Variants in SSC5D observed in about 807,000 individuals in gnomAD.
SSC5D encodes soluble scavenger receptor cysteine-rich domain-containing protein SSC5D.
SSC5D carries 106 observed loss-of-function variants against 104.6 expected under a neutral mutation model. That is an observed-to-expected ratio of 1.01 (90% CI 0.87 to 1.19). The LOEUF is 1.19. Ranked by LOEUF, SSC5D falls within the 50% of genes most tolerant of loss-of-function variation. The pLI, the probability that SSC5D is intolerant of heterozygous loss-of-function variation, is 0.00. For missense variants in SSC5D, 1,993 were observed against 2,153.8 expected (o/e 0.93, Z 1.48); for synonymous variants, 860 against 883.5 (o/e 0.97, Z 0.47).
intron 6 of SSC5D, among the ~76,000 whole-genome samples, chr19:55,493,116 G>A (rs1987197360): frequency 6.6e-6 from 1 of 152,194 alleles, no homozygotes; most frequent in South Asian, 2.1e-4. Context: ...CAGCTGGCAA[G>A]GGAGTGAGGG....
At chr19:55,513,250 T>C in intron 13 of SSC5D, 78 bp downstream of exon 13, 1 of 1,355,228 alleles carries the variant, frequency 7.4e-7, no homozygotes, top group Non-Finnish European at 9.8e-7. Flanking sequence ...GACTCCCCAC[T>C]GGAACCCTTA....
chr19:55,489,504 C>A lies in SSC5D; in HGVS notation c.203C>A (p.Ala68Asp). Residue 68 changes from alanine (A) to aspartate (D), a missense_variant, in exon 3 of 14, where the codon GCC becomes GAC. Ala to Asp is a moderately radical substitution (Grantham distance 126). Around this residue, in one of 6 missense-constraint regions of SSC5D, gnomAD observed 1,101 missense variants for 1,085.0 expected, o/e 1.01. Transcript: ENST00000389623. ...CAGCTGGGCTGCGGAGGGGCACTGG[C>A]CGCCCCGGGAGGCGCCTTCTTCGGG... ...CRQLGCGGAL[A>D]APGGAFFGEG... The A allele has an allele frequency of 6.8e-7, 1 of 1,468,740 alleles. No homozygotes were observed. Among genetic ancestry groups the A allele is most frequent in the South Asian group, 1.4e-5 (1 of 72,714 alleles). 91.0% of individuals were successfully genotyped at this position (1,468,740 alleles called of 1,614,324 possible).
rs1211247705 is a variant in SSC5D at position 55,493,742 on chromosome 19, GAGGGGCGCTGGCCGCCCCC to G, written c.1044_1062del (p.Leu351ProfsTer79). 7.2e-6 allele frequency: 11 copies of G among 1,525,640 alleles called. No homozygotes were observed. In the East Asian group the frequency reaches 2.5e-4, roughly 35 times the overall value. 94.5% of individuals were successfully genotyped at this position (1,525,640 alleles called of 1,614,324 possible). On this transcript the variant is annotated frameshift_variant, in exon 7 of 14. Transcript: ENST00000389623. LOFTEE classifies it high-confidence loss of function. ...GTGGCCTGCCGAGAGCTGGGCTGCGGAGGGGCGCTGGCCGCCCCCGGGGGCGCCTTCTTTGGGGAGGGGT... is the reference window on the plus strand; with the variant it reads ...GTGGCCTGCCGAGAGCTGGGCTGCGGGGGGGCGCCTTCTTTGGGGAGGGGT...
chr19:55,501,100 A>C lies in SSC5D; in HGVS notation c.2684A>C (p.Lys895Thr). The change falls in exon 12 of 14, where the codon AAG becomes ACG. Residue 895 changes from lysine (K) to threonine (T), a missense_variant. This residue lies in a region of SSC5D where 423 missense variants were observed against 409.2 expected (regional missense o/e 1.03). Transcript: ENST00000389623. ...WDPTSREDLA[K>T]GTTTAGVPGH... ...CCCACCTCAAGAGAGGACCTGGCCA[A>C]GGGGACTACCACAGCGGGGGTACCT... 1 of 1,551,762 alleles carries C rather than the reference A, an allele frequency of 6.4e-7. No homozygotes were observed. The highest frequency in any genetic ancestry group is 8.7e-7 in the Non-Finnish European group (1 of 1,146,980).
chr19:55,514,778 A>G (rs1987834348), intron 13 of SSC5D, among the ~76,000 whole-genome samples: 1 of 152,168 alleles, frequency 6.6e-6, no homozygotes, highest in African/African-American at 2.4e-5. Context: ...ATTCCATGCT[A>G]GACATTACAC....
intron 6 of SSC5D, among the ~76,000 whole-genome samples, chr19:55,493,176 G>C (rs757289960): frequency 4.6e-5 from 7 of 152,232 alleles, no homozygotes; most frequent in Non-Finnish European, 8.8e-5. Flanking sequence ...GTCTGGAGAC[G>C]TTTTTGGTTG....
intron 8 of SSC5D, among the ~76,000 whole-genome samples, chr19:55,496,490 A>G (rs554329081): frequency 1.6e-4 from 24 of 152,318 alleles, no homozygotes; most frequent in African/African-American, 4.8e-4. Flanking sequence ...CTGAATAATA[A>G]TATCAGCTAA....
In SSC5D at chr19:55,489,765, G is replaced by C. The variant is rs550618977; in HGVS notation, c.361+103G>C. 285 of 1,492,584 alleles carry C rather than the reference G, an allele frequency of 1.9e-4. 6 individuals are homozygous for C. In the South Asian group the frequency reaches 3.4e-3, roughly 18 times the overall value. 92.5% of individuals were successfully genotyped at this position (1,492,584 alleles called of 1,614,324 possible). A position where few individuals can be genotyped will look rare whatever the true frequency, so the allele number is the denominator to read the frequency against. ...AAGTCTGAGTGTTCAGCAGTTCAGAGACACCCAACCTCCCATCCCCTCCAA... is the reference window on the plus strand; with the variant it reads ...AAGTCTGAGTGTTCAGCAGTTCAGACACACCCAACCTCCCATCCCCTCCAA... On this transcript the variant is annotated intron_variant, in intron 3 of 13. Coordinates refer to ENST00000389623, the MANE Select transcript of SSC5D (RefSeq NM_001144950.2).
chr19:55,496,748 G>T lies in SSC5D; in HGVS notation c.1388-1132G>T, dbSNP rs541960317. On this transcript the variant is annotated intron_variant, in intron 8 of 13. Coordinates refer to ENST00000389623, the MANE Select transcript of SSC5D (RefSeq NM_001144950.2). Reference sequence around the variant, plus strand: ...GACATAAAGTTTACCATTTTTACCAGTCTTTTTTTTTTTTTTTTTTTAAAC... The same window carrying T: ...GACATAAAGTTTACCATTTTTACCATTCTTTTTTTTTTTTTTTTTTTAAAC... 3.3e-4 allele frequency among the ~76,000 whole-genome samples: 47 copies of T among 141,854 alleles called. 1 individual carries two copies. The highest frequency in any genetic ancestry group is 1.1e-3 in the African/African-American group (42 of 38,480). 93.1% of individuals were successfully genotyped at this position (141,854 alleles called of 152,430 possible). A position where few individuals can be genotyped will look rare whatever the true frequency, so the allele number is the denominator to read the frequency against.
intron 1 of SSC5D, 143 bp downstream of exon 1, chr19:55,488,757 GCTCAATC>G (rs993115680): frequency 1.9e-5 from 15 of 785,492 alleles, no homozygotes; most frequent in Non-Finnish European, 2.9e-5. Flanking sequence ...GAGGATCCCT[GCTCAATC>G]TGCCCAGCCT....
Position 55,489,467 on chromosome 19 carries a change from G to A in SSC5D, c.166G>A (p.Val56Met), listed in dbSNP as rs1403323661. The change falls in exon 3 of 14, where the codon GTG becomes ATG. Residue 56 changes from valine (V) to methionine (M), a missense_variant. By Grantham distance (21) the Val-to-Met change is conservative (BLOSUM62 1). This residue lies in a region of SSC5D where 1,101 missense variants were observed against 1,085.0 expected (regional missense o/e 1.01). Coordinates refer to ENST00000389623, the MANE Select transcript of SSC5D (RefSeq NM_001144950.2). ...CGGCTGGGACCTGCGCGATGCCGCC[G>A]TGGCCTGCCGGCAGCTGGGCTGCGG... ...DDGWDLRDAA[V>M]ACRQLGCGGA... 29 of 1,473,928 alleles carry A rather than the reference G, an allele frequency of 2.0e-5. No homozygotes were observed. The highest frequency in any genetic ancestry group is 1.1e-4 in the South Asian group (8 of 72,986). 91.3% of individuals were successfully genotyped at this position (1,473,928 alleles called of 1,614,324 possible).
intron 8 of SSC5D, among the ~76,000 whole-genome samples, chr19:55,495,231 A>ATTT (rs1987285828): frequency 3.9e-5 from 1 of 25,968 alleles, no homozygotes; most frequent in Non-Finnish European, 7.2e-5. Flanking sequence ...ATATATATAT[A>ATTT]TATTTTTTTT....
chr19:55,496,324 G>A (rs1987323761), intron 8 of SSC5D, among the ~76,000 whole-genome samples: 1 of 152,184 alleles, frequency 6.6e-6, no homozygotes, highest in Non-Finnish European at 1.5e-5. Flanking sequence ...AGTCCCTCAG[G>A]ATCAGGAATG....
chr19:55,496,479 C>G (rs1987329017), intron 8 of SSC5D, among the ~76,000 whole-genome samples: 1 of 152,196 alleles, frequency 6.6e-6, no homozygotes, highest in South Asian at 2.1e-4. Context: ...TTCCCCTTTT[C>G]CTGAATAATA....
At chr19:55,512,069 T>A (rs1183004069) in intron 12 of SSC5D, among the ~76,000 whole-genome samples, 1 of 151,838 alleles carries the variant, frequency 6.6e-6, no homozygotes, top group African/African-American at 2.4e-5. Flanking sequence ...CCGGGCACGG[T>A]GGCTCACACC....
chr19:55,498,261 A>C, intron 9 of SSC5D, 64 bp downstream of exon 9: 2 of 1,492,718 alleles, frequency 1.3e-6, no homozygotes, highest in Non-Finnish European at 1.8e-6. Flanking sequence ...AGTAACTAAC[A>C]TGGGCACTAA....
Position 55,500,371 on chromosome 19 carries a change from A to T in SSC5D, c.2261A>T (p.Asp754Val). The T allele has an allele frequency of 6.4e-7, 1 of 1,551,082 alleles. No homozygotes were observed. Among genetic ancestry groups the T allele is most frequent in the Non-Finnish European group, 8.7e-7 (1 of 1,146,880 alleles). Reference protein sequence around the residue: ...IPEGSPESPKDPAPSPSVSTT... With the variant: ...IPEGSPESPKVPAPSPSVSTT... ...GAAGGGTCTCCAGAGTCACCCAAAG[A>T]CCCGGCCCCCTCTCCCAGTGTTAGC... Residue 754 changes from aspartate to valine, a missense_variant, in exon 10 of 14, where the codon GAC becomes GTC. Physicochemically the swap from Asp to Val is radical, Grantham distance 152. Transcript: ENST00000389623. The surrounding 1 kb of genome is among the most constrained non-coding windows in gnomAD (Gnocchi z 4.6).
intron 12 of SSC5D, chr19:55,504,067 G>C (rs1010163423): frequency 1.3e-6 from 2 of 1,516,964 alleles, no homozygotes; most frequent in South Asian, 1.2e-5. Flanking sequence ...CCGTGACTTG[G>C]GGGTGGGTGG....
Position 55,517,285 on chromosome 19 carries a change from G to A in SSC5D, c.3009G>A (p.Ala1003=). 13 of 1,547,558 alleles carry A rather than the reference G, an allele frequency of 8.4e-6. No individual in the cohort carries two copies. Among genetic ancestry groups the A allele is most frequent in the Non-Finnish European group, 1.0e-5 (12 of 1,146,714 alleles). The stretch of plus-strand genomic sequence containing the variant: ...CGCGGCCCGCTGCGACCAGGACAGC[G>A]CCCCCAACCCCGTCCCCAGGTCCCT... ...RPPRPAATRT[A]PPTPSPGPSA... is the part of the protein sequence containing the mutation. The change falls in exon 14 of 14, where the codon GCG becomes GCA. Residue 1003 remains alanine (A), a synonymous_variant. Coordinates refer to ENST00000389623, the MANE Select transcript of SSC5D (RefSeq NM_001144950.2).
Sources: allele counts gnomAD v4.1 joint callset (sites outside exome capture counted in the v4.1 genomes callset), GRCh38; gene constraint gnomAD v4.1.1; regional missense constraint gnomAD v4.1.1; non-coding constraint Gnocchi (gnomAD v3.1); transcripts MANE v1.5; gene names NCBI Gene and HGNC (gene_info 2026-07-23, HGNC 2026-07-21).